MYO5B: variants seen among roughly 807,000 people sequenced by gnomAD.
The protein encoded by MYO5B is unconventional myosin-Vb.
MYO5B carries 143 observed loss-of-function variants against 229.3 expected under a neutral mutation model. The observed-to-expected ratio is 0.62, with a 90% CI of 0.54 to 0.72. The LOEUF (loss-of-function observed/expected upper bound fraction) is 0.72, where lower values mean the gene tolerates loss of function less well. Among genes scored for constraint, MYO5B ranks in the 30% least tolerant of loss-of-function variants. The probability of loss-of-function intolerance (pLI) is 0.00; values close to 1 mark genes in which losing one functional copy is unlikely to be tolerated. For missense variants in MYO5B, 2,321 were observed against 2,331.0 expected (o/e 1.00, Z 0.09); for synonymous variants, 918 against 885.2 (o/e 1.04, Z -0.66).
At chr18:50,109,132 C>A (rs1162614151) in intron 1 of MYO5B, among the ~76,000 whole-genome samples, 1 of 152,216 alleles carries the variant, frequency 6.6e-6, no homozygotes, top group Non-Finnish European at 1.5e-5. Context: ...TTCCACCAAA[C>A]TTCCACTGAA....
chr18:50,015,155 C>G (rs1179845079), intron 4 of MYO5B, among the ~76,000 whole-genome samples: 1 of 152,194 alleles, frequency 6.6e-6, no homozygotes, highest in Non-Finnish European at 1.5e-5. Flanking sequence ...GGGGCTGAAA[C>G]AAAGACAGAA....
At chr18:50,022,645 G>C (rs1232014408) in intron 4 of MYO5B, among the ~76,000 whole-genome samples, 2 of 152,180 alleles carry the variant, frequency 1.3e-5, no homozygotes, top group African/African-American at 4.8e-5. Context: ...TCAAAAGTTT[G>C]TTAGATTCCT....
intron 1 of MYO5B, among the ~76,000 whole-genome samples, chr18:50,072,720 G>A (rs1214148342): frequency 1.3e-5 from 2 of 152,160 alleles, no homozygotes; most frequent in South Asian, 2.1e-4. Flanking sequence ...AATCATCAAT[G>A]GAAAGTAAGC....
chr18:50,139,834 CAA>C (rs1451041523), intron 1 of MYO5B, among the ~76,000 whole-genome samples: 1 of 152,174 alleles, frequency 6.6e-6, no homozygotes, highest in Non-Finnish European at 1.5e-5. Flanking sequence ...GCTCCAATAG[CAA>C]AAACTACAAA....
intron 1 of MYO5B, chr18:50,097,377 T>G (rs569362642): frequency 7.0e-6 from 3 of 428,990 alleles, no homozygotes; most frequent in Non-Finnish European, 1.4e-5. Context: ...AAGTTCACTA[T>G]GTGGTCCATC....
intron 26 of MYO5B, among the ~76,000 whole-genome samples, chr18:49,873,091 T>C (rs2024475068): frequency 6.6e-6 from 1 of 152,232 alleles, no homozygotes; most frequent in South Asian, 2.1e-4. Flanking sequence ...CAACACTCTG[T>C]AATGCTGTCT....
chr18:49,884,084 CACCAA>C (rs2024618071), intron 22 of MYO5B, among the ~76,000 whole-genome samples: 1 of 25,944 alleles, frequency 3.9e-5, no homozygotes, highest in Non-Finnish European at 9.5e-5. Flanking sequence ...AAGCACAAGC[CACCAA>C]ATACAATGCC....
At chr18:50,033,969 G>A (rs1463877741) in intron 4 of MYO5B, among the ~76,000 whole-genome samples, 1 of 152,142 alleles carries the variant, frequency 6.6e-6, no homozygotes, top group Non-Finnish European at 1.5e-5. Context: ...TGCTCTCACA[G>A]AGTCTCCACA....
chr18:50,050,594 T>C (rs1303415762), intron 2 of MYO5B, among the ~76,000 whole-genome samples: 1 of 152,184 alleles, frequency 6.6e-6, no homozygotes, highest in Non-Finnish European at 1.5e-5. Context: ...ATCCTTGGGA[T>C]CAACATTCAG....
intron 4 of MYO5B, among the ~76,000 whole-genome samples, chr18:50,010,297 T>C (rs1345773526): frequency 6.6e-6 from 1 of 152,180 alleles, no homozygotes; most frequent in African/African-American, 2.4e-5. Flanking sequence ...AATGAATCTG[T>C]CCCTTCCTCT....
At chr18:49,913,540 C>T (rs978544154) in intron 17 of MYO5B, among the ~76,000 whole-genome samples, 52 of 152,262 alleles carry the variant, frequency 3.4e-4, no homozygotes, top group African/African-American at 1.3e-3. Context: ...CACCCACTCT[C>T]ATCTTCCGAG....
At chr18:50,040,805 TC>T (rs1327966840) in intron 2 of MYO5B, among the ~76,000 whole-genome samples, 4 of 152,356 alleles carry the variant, frequency 2.6e-5, no homozygotes, top group African/African-American at 9.6e-5. Flanking sequence ...AACTGCACGT[TC>T]TTCTAGGGCA....
intron 23 of MYO5B, among the ~76,000 whole-genome samples, chr18:49,879,574 G>GT (rs1344893977): frequency 6.6e-6 from 1 of 152,238 alleles, no homozygotes; most frequent in African/African-American, 2.4e-5. Context: ...ACAGAAAAGT[G>GT]TTTTAAAAGG....
In MYO5B at chr18:49,974,527, A is replaced by G; in HGVS notation, c.1145T>C (p.Val382Ala). ...MEHWLCHRKL[V>A]TTSETYVKTM... ...CTTGACGTAGGTCTCCGAGGTGGTG[A>G]CCAGCTTGCGATGACACAGCCAGTG... The change falls in exon 10 of 40, where the codon GTC (valine) becomes GCC (alanine). Residue 382 changes from valine (V) to alanine (A), a missense_variant. By Grantham distance (64) the Val-to-Ala change is moderately conservative. This residue lies in a region of MYO5B where 2,113 missense variants were observed against 2,044.7 expected (regional missense o/e 1.03). Coordinates refer to ENST00000285039, the MANE Select transcript of MYO5B (RefSeq NM_001080467.3). 1 of 1,614,124 alleles carries G rather than the reference A, an allele frequency of 6.2e-7. No homozygotes were observed. Among genetic ancestry groups the G allele is most frequent in the Non-Finnish European group, 8.5e-7 (1 of 1,180,018 alleles).
chr18:49,929,653 T>C, intron 16 of MYO5B, 55 bp from the exon 17 acceptor site: 1 of 1,459,726 alleles, frequency 6.9e-7, no homozygotes. Context: ...GTGGCCACAT[T>C]TGCAAAAAAG....
chr18:50,112,257 T>A (rs1433733893), intron 1 of MYO5B, among the ~76,000 whole-genome samples: 3 of 152,150 alleles, frequency 2.0e-5, no homozygotes, highest in Non-Finnish European at 4.4e-5. Flanking sequence ...CTGGGCTACA[T>A]CTAGGAATCC....
intron 14 of MYO5B, among the ~76,000 whole-genome samples, chr18:49,947,819 A>C (rs2025391114): frequency 6.6e-6 from 1 of 152,230 alleles, no homozygotes; most frequent in South Asian, 2.1e-4. Context: ...ATAGCTTTTA[A>C]AAGCCTGGGG....
chr18:50,148,719 C>T (rs1046025752), intron 1 of MYO5B, among the ~76,000 whole-genome samples: 4 of 150,558 alleles, frequency 2.7e-5, no homozygotes, highest in East Asian at 1.9e-4. Flanking sequence ...AAACCCACAG[C>T]CAATATCATA....
chr18:49,873,799 G>A (rs2024485266), intron 26 of MYO5B, among the ~76,000 whole-genome samples: 1 of 152,200 alleles, frequency 6.6e-6, no homozygotes, highest in Non-Finnish European at 1.5e-5. Context: ...ACTTTGCCAG[G>A]CTTGAGAAAG....
Sources: allele counts gnomAD v4.1 joint callset (sites outside exome capture counted in the v4.1 genomes callset), GRCh38; gene constraint gnomAD v4.1.1; regional missense constraint gnomAD v4.1.1; transcripts MANE v1.5; gene names NCBI Gene and HGNC (gene_info 2026-07-23, HGNC 2026-07-21).